Variants in ZFP1 observed in about 807,000 individuals in gnomAD.
ZFP1 encodes zinc finger protein 1 homolog.
ZFP1 carries 32 observed loss-of-function variants against 38.5 expected under a neutral mutation model. The ratio of observed to expected loss-of-function variants is 0.83; its 90% CI spans 0.63 to 1.12. The LOEUF is 1.12. Ranked by LOEUF, ZFP1 falls within the 50% of genes most tolerant of loss-of-function variation. The pLI is 0.00. For missense variants in ZFP1, 616 were observed against 480.8 expected (o/e 1.28, Z -2.63); for synonymous variants, 245 against 168.8 (o/e 1.45, Z -3.50).
chr16:75,164,029 A>C, intron 2 of ZFP1, among the ~76,000 whole-genome samples: 1 of 152,216 alleles, frequency 6.6e-6, no homozygotes, highest in Non-Finnish European at 1.5e-5. Context: ...AATCACTTTT[A>C]TATCATGAAC....
the ZFP1 span, among the ~76,000 whole-genome samples, chr16:75,121,426 ATTTC>A: frequency 1.3e-5 from 2 of 152,012 alleles, no homozygotes; most frequent in African/African-American, 4.8e-5. Context: ...CACCCGGCAA[ATTTC>A]TTTAATTTTA....
intron 2 of ZFP1, among the ~76,000 whole-genome samples, chr16:75,165,569 A>AT (rs1483218698): frequency 6.6e-6 from 1 of 151,816 alleles, no homozygotes; most frequent in Non-Finnish European, 1.5e-5. Flanking sequence ...TAATTTTTGT[A>AT]TTTTTAGTAG....
At chr16:75,140,173 C>G in the ZFP1 span, among the ~76,000 whole-genome samples, 1 of 151,936 alleles carries the variant, frequency 6.6e-6, no homozygotes, top group African/African-American at 2.4e-5. Context: ...GAGGCTGAGG[C>G]AGGAGAATCT....
chr16:75,162,397 C>T (rs1171383065), intron 2 of ZFP1, among the ~76,000 whole-genome samples: 3 of 152,168 alleles, frequency 2.0e-5, no homozygotes, highest in Admixed American at 6.5e-5. Flanking sequence ...GCTAGGATTA[C>T]AGGCATGAGC....
upstream of ZFP1, among the ~76,000 whole-genome samples, chr16:75,147,552 G>A (rs1037811883): frequency 4.6e-5 from 7 of 151,610 alleles, no homozygotes; most frequent in Non-Finnish European, 8.8e-5. Flanking sequence ...CTCCCAAAGT[G>A]CTAGGATTAC....
the ZFP1 span, among the ~76,000 whole-genome samples, chr16:75,127,643 G>T: frequency 6.8e-3 from 1,029 of 152,160 alleles, 11 homozygotes; most frequent in African/African-American, 0.024. Context: ...TTGAATGCAG[G>T]TTTCTGATAA....
At chr16:75,167,746 C>T (rs1313099308) in intron 3 of ZFP1, among the ~76,000 whole-genome samples, 1 of 152,116 alleles carries the variant, frequency 6.6e-6, no homozygotes, top group African/African-American at 2.4e-5. Context: ...CACAGACACA[C>T]ACCACCATGT....
At chr16:75,159,284 TCCTTCCC>T (rs2037629797) in intron 2 of ZFP1, among the ~76,000 whole-genome samples, 1 of 90,234 alleles carries the variant, frequency 1.1e-5, no homozygotes, top group Non-Finnish European at 2.5e-5. Context: ...TCACTTCCCT[TCCTTCCC>T]TCCCTTCCCT....
the ZFP1 span, among the ~76,000 whole-genome samples, chr16:75,128,299 G>C: frequency 6.6e-6 from 1 of 152,164 alleles, no homozygotes; most frequent in Non-Finnish European, 1.5e-5. Flanking sequence ...TTCATGGCTG[G>C]GCTCGGCTTT....
chr16:75,129,990 T>C, the ZFP1 span, among the ~76,000 whole-genome samples: 1 of 152,086 alleles, frequency 6.6e-6, no homozygotes. Context: ...TTTTGACTTG[T>C]GGTTTTTTTG....
intron 2 of ZFP1, among the ~76,000 whole-genome samples, chr16:75,160,325 G>A (rs1393714235): frequency 6.6e-6 from 1 of 152,056 alleles, no homozygotes; most frequent in East Asian, 1.9e-4. Flanking sequence ...TTGAGGGCAG[G>A]AGTTTGAGAC....
At chr16:75,158,962 T>A (rs2037608657) in intron 2 of ZFP1, among the ~76,000 whole-genome samples, 1 of 150,628 alleles carries the variant, frequency 6.6e-6, no homozygotes, top group Non-Finnish European at 1.5e-5. Context: ...AGTGGCTTGA[T>A]CTCCATTCAC....
intron 1 of ZFP1, 28 bp from the exon 2 acceptor site, chr16:75,152,881 C>T: frequency 6.2e-7 from 1 of 1,602,092 alleles, no homozygotes; most frequent in Non-Finnish European, 8.5e-7. Context: ...CCTTTAATAA[C>T]AATGCCTTCC....
chr16:75,126,129 T>G, the ZFP1 span: 1 of 152,096 alleles, frequency 6.6e-6, no homozygotes, highest in Non-Finnish European at 1.5e-5. Flanking sequence ...AAATGAATTC[T>G]TCTTTTAATT....
upstream of ZFP1, among the ~76,000 whole-genome samples, chr16:75,148,191 A>C (rs11648221): frequency 0.68 from 103,009 of 151,998 alleles, 35,105 homozygotes; most frequent in Admixed American, 0.75. Context: ...TGGATACTTT[A>C]TTTTGTACAT....
At chr16:75,147,452 ATTTT>A (rs34096115), upstream of ZFP1, among the ~76,000 whole-genome samples, 1 of 140,902 alleles carries the variant, frequency 7.1e-6, no homozygotes, top group Admixed American at 7.3e-5. Flanking sequence ...TAATTTTTGT[ATTTT>A]TTTTTTTTTT....
intron 2 of ZFP1, among the ~76,000 whole-genome samples, chr16:75,158,435 C>T (rs1251741104): frequency 6.6e-6 from 1 of 151,776 alleles, no homozygotes; most frequent in Non-Finnish European, 1.5e-5. Context: ...TGGCTCATTG[C>T]AGCCTCAAGC....
the ZFP1 span, among the ~76,000 whole-genome samples, chr16:75,124,547 G>A: frequency 3.3e-5 from 5 of 150,402 alleles, no homozygotes; most frequent in South Asian, 4.2e-4. Context: ...ACTTTGGGAG[G>A]CTGAGGCGGG....
chr16:75,129,990 T>G, the ZFP1 span, among the ~76,000 whole-genome samples: 1 of 152,086 alleles, frequency 6.6e-6, no homozygotes, highest in Non-Finnish European at 1.5e-5. Context: ...TTTTGACTTG[T>G]GGTTTTTTTG....
Sources: allele counts gnomAD v4.1 joint callset (sites outside exome capture counted in the v4.1 genomes callset), GRCh38; gene constraint gnomAD v4.1.1; transcripts MANE v1.5; gene names NCBI Gene and HGNC (gene_info 2026-07-23, HGNC 2026-07-21).